C8B: variants seen among roughly 807,000 people sequenced by gnomAD.
The protein encoded by C8B is complement C8 beta chain, also known as complement component C8 beta chain.
Under a neutral mutation model 64.6 loss-of-function variants are expected in C8B, and 67 were observed. That is an observed-to-expected ratio of 1.04 (90% confidence interval 0.85 to 1.27). C8B has a LOEUF of 1.27. Among genes scored for constraint, C8B ranks in the 50% most tolerant of loss-of-function variants. The probability of loss-of-function intolerance (pLI) is 0.00; values close to 1 mark genes in which losing one functional copy is unlikely to be tolerated. For synonymous variants in C8B, 284 were observed against 257.7 expected (o/e 1.10, Z -0.98); for missense variants, 790 against 725.2 (o/e 1.09, Z -1.03).
intron 11 of C8B, chr1:56,931,542 A>T (rs761744878): frequency 2.2e-5 from 9 of 408,338 alleles, no homozygotes; most frequent in Non-Finnish European, 3.3e-5. Flanking sequence ...TAAGCATTCC[A>T]GAATGATCCA....
At chr1:56,939,276 T>A (rs1644816637) in intron 9 of C8B, among the ~76,000 whole-genome samples, 1 of 152,232 alleles carries the variant, frequency 6.6e-6, no homozygotes, top group Non-Finnish European at 1.5e-5. Context: ...AAGCCCAGAT[T>A]TCTCAGGAGC....
In C8B at chr1:56,931,969, G is replaced by T. The variant is rs115631390; in HGVS notation, c.1553-91C>A. 4.6e-3 allele frequency: 4,010 copies of T among 881,192 alleles called. 124 individuals are homozygous for T. The African/African-American group carries it at 0.06, about 13-fold the overall frequency. 54.6% of individuals were successfully genotyped at this position (881,192 alleles called of 1,614,324 possible). A position where few individuals can be genotyped will look rare whatever the true frequency, so the allele number is the denominator to read the frequency against. On this transcript the variant is annotated intron_variant, in intron 10 of 11. Transcript: ENST00000371237. Reference sequence around the variant, plus strand: ...CCCTCCAATCACTGCAGTTCCATCAGGTTAAAACAGAGCACATATTTAGTT... The same window carrying T: ...CCCTCCAATCACTGCAGTTCCATCATGTTAAAACAGAGCACATATTTAGTT...
At chr1:56,947,653 C>T (rs892897675) in intron 6 of C8B, among the ~76,000 whole-genome samples, 9 of 152,032 alleles carry the variant, frequency 5.9e-5, no homozygotes, top group Admixed American at 1.3e-4. Flanking sequence ...AAAATATGGC[C>T]GGGAGTGGTG....
chr1:56,952,948 C>T (rs534873281), intron 4 of C8B, among the ~76,000 whole-genome samples: 4 of 152,262 alleles, frequency 2.6e-5, no homozygotes, highest in African/African-American at 4.8e-5. Flanking sequence ...TTTGAAGTGG[C>T]GGTTTTCTTA....
intron 9 of C8B, among the ~76,000 whole-genome samples, chr1:56,936,097 A>T (rs1644771055): frequency 6.6e-6 from 1 of 152,228 alleles, no homozygotes; most frequent in African/African-American, 2.4e-5. Flanking sequence ...GCTACTTCAA[A>T]TAACAAACTA....
At chr1:56,955,502 A>G (rs1201220485) in intron 3 of C8B, among the ~76,000 whole-genome samples, 1 of 152,142 alleles carries the variant, frequency 6.6e-6, no homozygotes, top group Non-Finnish European at 1.5e-5. Context: ...TCGTTGGGAG[A>G]TAAAGCCCAT....
chr1:56,941,135 G>A (rs1309185644), intron 8 of C8B, 123 bp from the exon 9 acceptor site: 14 of 1,092,124 alleles, frequency 1.3e-5, no homozygotes, highest in Non-Finnish European at 1.9e-5. Flanking sequence ...GATGTGGGTG[G>A]ACCAGACACT....
At chr1:56,931,789 T>A (rs1644705179) in intron 11 of C8B, 21 bp downstream of exon 11, 1 of 1,562,712 alleles carries the variant, frequency 6.4e-7, no homozygotes, top group Non-Finnish European at 8.8e-7. Flanking sequence ...CTCCCCAGAG[T>A]TCCTTTTCCA....
chr1:56,960,708 C>T (rs1412140383), intron 1 of C8B, among the ~76,000 whole-genome samples: 1 of 152,192 alleles, frequency 6.6e-6, no homozygotes, highest in African/African-American at 2.4e-5. Context: ...AGATGCTTCT[C>T]ATGTGGAATG....
intron 1 of C8B, among the ~76,000 whole-genome samples, chr1:56,965,477 A>AATTT (rs1645242274): frequency 1.3e-5 from 2 of 151,612 alleles, no homozygotes; most frequent in Admixed American, 1.3e-4. Context: ...GTTGATGAGC[A>AATTT]GGTAGAGTAG....
intron 2 of C8B, 34 bp downstream of exon 2, chr1:56,959,986 G>A: frequency 1.9e-6 from 3 of 1,613,692 alleles, no homozygotes; most frequent in Non-Finnish European, 2.5e-6. Context: ...AAGGCTCCTG[G>A]AAGCTTAGAG....
At chr1:56,938,648 T>C (rs1442048260) in intron 9 of C8B, among the ~76,000 whole-genome samples, 1 of 152,220 alleles carries the variant, frequency 6.6e-6, no homozygotes. Context: ...ACATTAAGAA[T>C]GGGTTCCTCT....
At chr1:56,930,884 C>T (rs1287806191) in intron 11 of C8B, among the ~76,000 whole-genome samples, 1 of 152,080 alleles carries the variant, frequency 6.6e-6, no homozygotes, top group East Asian at 1.9e-4. Context: ...TATATGCCTC[C>T]TTACAAAGTC....
intron 1 of C8B, among the ~76,000 whole-genome samples, 187 bp from the exon 2 acceptor site, chr1:56,960,363 ATAT>A (rs1645161358): frequency 6.6e-6 from 1 of 152,232 alleles, no homozygotes; most frequent in Non-Finnish European, 1.5e-5. Context: ...CAACAATGAA[ATAT>A]TAATTAATTC....
At chr1:56,931,946 C>A in intron 10 of C8B, 68 bp from the exon 11 acceptor site, 1 of 1,068,748 alleles carries the variant, frequency 9.4e-7, no homozygotes, top group East Asian at 2.4e-5. Context: ...GAGCTCAGCC[C>A]TCCAATCACT....
intron 4 of C8B, among the ~76,000 whole-genome samples, chr1:56,953,429 T>G (rs1002648631): frequency 6.6e-6 from 1 of 152,242 alleles, no homozygotes; most frequent in African/African-American, 2.4e-5. Flanking sequence ...TTAATCCTTA[T>G]GAGGATTAAT....
chr1:56,962,326 C>T (rs1423402503), intron 1 of C8B, among the ~76,000 whole-genome samples: 3 of 152,120 alleles, frequency 2.0e-5, no homozygotes, highest in South Asian at 2.1e-4. Flanking sequence ...TAAATTACAT[C>T]GGATGAGATG....
chr1:56,931,950 A>G, intron 10 of C8B, 72 bp from the exon 11 acceptor site: 7 of 1,047,704 alleles, frequency 6.7e-6, no homozygotes, highest in Non-Finnish European at 1.0e-5. Flanking sequence ...TCAGCCCTCC[A>G]ATCACTGCAG....
rs1645172243 is a variant in C8B at position 56,961,034 on chromosome 1, T to C, written c.93-858A>G. ...GAGAGGAGAAGTGAGTGAAGGATACTTATTCTTGGAAACCTCAGCACCACC... is the reference window on the plus strand; with the variant it reads ...GAGAGGAGAAGTGAGTGAAGGATACCTATTCTTGGAAACCTCAGCACCACC... On this transcript the variant is annotated intron_variant, in intron 1 of 11. Coordinates refer to ENST00000371237, the MANE Select transcript of C8B (RefSeq NM_000066.4). Among the ~76,000 whole-genome samples, 4 of 152,118 alleles carry C rather than the reference T, an allele frequency of 2.6e-5. No homozygotes were observed. The South Asian group carries it at 8.3e-4, about 31-fold the overall frequency.
Sources: gnomAD v4.1 joint callset for allele counts (sites outside exome capture counted in the v4.1 genomes callset) on GRCh38, gnomAD v4.1.1 for gene constraint, MANE v1.5 for transcripts, NCBI Gene and HGNC (gene_info 2026-07-23, HGNC 2026-07-21) for gene names.